ABRAXAS2: variants seen among roughly 807,000 people sequenced by gnomAD.
ABRAXAS2 encodes the protein BRISC complex subunit Abraxas 2.
A neutral mutation model predicts 49.0 loss-of-function variants in ABRAXAS2; 23 were observed. The observed-to-expected ratio is 0.47, with a 90% CI of 0.34 to 0.66. The LOEUF is 0.66. ABRAXAS2 is among the 30% of genes least tolerant of loss of function. The probability of loss-of-function intolerance (pLI) is 0.01; values close to 1 mark genes in which losing one functional copy is unlikely to be tolerated. For missense variants in ABRAXAS2, 443 were observed against 511.9 expected, an observed-to-expected ratio of 0.87 and a Z score of 1.30; for synonymous variants, 168 against 180.2, an observed-to-expected ratio of 0.93 and a Z score of 0.54.
At chr10:124,809,475 G>A (rs562133669) in intron 2 of ABRAXAS2, among the ~76,000 whole-genome samples, 510 of 9,578 alleles carry the variant, frequency 0.053, 2 homozygotes, top group African/African-American at 0.13. Flanking sequence ...AGTAGAGACG[G>A]GGGTTTCTCC....
At chr10:124,804,248 A>G (rs1485230090) in intron 1 of ABRAXAS2, among the ~76,000 whole-genome samples, 1 of 152,190 alleles carries the variant, frequency 6.6e-6, no homozygotes, top group Non-Finnish European at 1.5e-5. Context: ...TATTCCACAA[A>G]TGGAAGACTG....
chr10:124,806,230 C>T (rs371188130), intron 1 of ABRAXAS2, among the ~76,000 whole-genome samples: 226 of 151,184 alleles, frequency 1.5e-3, no homozygotes, highest in Non-Finnish European at 2.5e-3. Flanking sequence ...GGCATGAACC[C>T]GGAAGGTGGA....
At chr10:124,805,797 C>T (rs1315568903) in intron 1 of ABRAXAS2, among the ~76,000 whole-genome samples, 1 of 152,082 alleles carries the variant, frequency 6.6e-6, no homozygotes, top group Non-Finnish European at 1.5e-5. Flanking sequence ...AGGAGTAAGC[C>T]GTGTGATATC....
chr10:124,802,397 G>T (rs1376720773), intron 1 of ABRAXAS2, among the ~76,000 whole-genome samples: 1 of 152,260 alleles, frequency 6.6e-6, no homozygotes, highest in Non-Finnish European at 1.5e-5. Context: ...GTTAGACACG[G>T]TTGTGTGTTT....
chr10:124,810,672 T>A (rs1167324582), intron 2 of ABRAXAS2, among the ~76,000 whole-genome samples: 1 of 150,364 alleles, frequency 6.7e-6, no homozygotes, highest in Non-Finnish European at 1.5e-5. Context: ...AGCCTCCACC[T>A]CCTGGGTTCG....
chr10:124,820,315 G>A (rs1017898398), intron 4 of ABRAXAS2, among the ~76,000 whole-genome samples: 7 of 152,190 alleles, frequency 4.6e-5, no homozygotes, highest in Non-Finnish European at 1.0e-4. Flanking sequence ...AGGAAGGGGT[G>A]TTAAAGCAGC....
Position 124,832,028 on chromosome 10 carries a change from T to C in ABRAXAS2, c.778+565T>C, listed in dbSNP as rs149149081. The stretch of plus-strand genomic sequence containing the variant: ...CCACCATGCCCAGCTAATTTTTGTA[T>C]TTTTTTTCTTGTTTTTTTAGTAGAG... On this transcript the variant is annotated intron_variant, in intron 8 of 8. Transcript: ENST00000298492. Among the ~76,000 whole-genome samples the C allele has an allele frequency of 6.8e-3, 965 of 141,244 alleles. 20 individuals are homozygous for C. The highest frequency in any genetic ancestry group is 0.023 in the African/African-American group (929 of 40,556). The allele number at this position is 141,244 out of a possible 152,430, so 92.7% of individuals were successfully genotyped here.
chr10:124,836,308 A>C lies in ABRAXAS2; in HGVS notation c.*1337A>C, dbSNP rs1050280211. 2 of 152,242 alleles carry C rather than the reference A, an allele frequency of 1.3e-5. No homozygotes were observed. The highest frequency in any genetic ancestry group is 2.9e-5 in the Non-Finnish European group (2 of 68,030). The allele number at this position is 152,242 out of a possible 1,614,324, so 9.4% of individuals were successfully genotyped here. A position where few individuals can be genotyped will look rare whatever the true frequency, so the allele number is the denominator to read the frequency against. On this transcript the variant is annotated 3_prime_UTR_variant, in exon 9 of 9. Transcript: ENST00000298492. ...CTCACTGAGCTCCAGTTCCAATACT[A>C]AATTAGACAGTATCATATAGACGGA...
At chr10:124,820,774 A>G (rs1950857160) in intron 4 of ABRAXAS2, among the ~76,000 whole-genome samples, 1 of 152,084 alleles carries the variant, frequency 6.6e-6, no homozygotes, top group South Asian at 2.1e-4. Context: ...GCAGACGGCC[A>G]TGAATCTTAA....
At chr10:124,819,095 A>G (rs912659654) in intron 3 of ABRAXAS2, among the ~76,000 whole-genome samples, 1 of 152,228 alleles carries the variant, frequency 6.6e-6, no homozygotes, top group African/African-American at 2.4e-5. Context: ...AAACAAAGAA[A>G]AATGTCACAG....
chr10:124,826,620 G>A lies in ABRAXAS2; in HGVS notation c.293G>A (p.Arg98Gln), dbSNP rs745325908. 5 of 1,613,260 alleles carry A rather than the reference G, an allele frequency of 3.1e-6. No homozygotes were observed. The highest frequency in any genetic ancestry group is 2.7e-5 in the African/African-American group (2 of 74,792). The change falls in exon 5 of 9, where the codon CGG becomes CAG. Residue 98 changes from arginine to glutamine, a missense_variant. Physicochemically the swap from Arg to Gln is conservative, Grantham distance 43 (BLOSUM62 1). Transcript: ENST00000298492. The part of the protein sequence containing the change: ...RKKVIGWYRF[R>Q]RNTQQQMSYR... The stretch of plus-strand genomic sequence containing the variant: ...AAAGTCATTGGGTGGTACAGATTCC[G>A]GCGCAATACGCAGCAGCAGATGTCC...
In ABRAXAS2 at chr10:124,824,785, G is replaced by A. The variant is rs76794724; in HGVS notation, c.268-1810G>A. Among the ~76,000 whole-genome samples, 380 of 152,268 alleles carry A rather than the reference G, an allele frequency of 2.5e-3. 7 individuals carry two copies. In the East Asian group the frequency reaches 0.045, roughly 18 times the overall value. On this transcript the variant is annotated intron_variant, in intron 4 of 8. Coordinates refer to ENST00000298492, the MANE Select transcript of ABRAXAS2 (RefSeq NM_032182.4). ...TTCCAACATTCCAAGTAGGAGTTGG[G>A]TACAGAGTATTGAATCTTAGAATGA...
At chr10:124,813,965 C>T (rs1284417973) in intron 2 of ABRAXAS2, among the ~76,000 whole-genome samples, 1 of 152,122 alleles carries the variant, frequency 6.6e-6, no homozygotes, top group East Asian at 1.9e-4. Context: ...TCTGGAATAA[C>T]TTATGATGGT....
At chr10:124,828,270 A>G (rs1049290644) in intron 5 of ABRAXAS2, among the ~76,000 whole-genome samples, 2 of 152,168 alleles carry the variant, frequency 1.3e-5, no homozygotes, top group Non-Finnish European at 2.9e-5. Flanking sequence ...ATCATATTTC[A>G]CTGCCACCTT....
At chr10:124,825,877 T>C (rs1950893165) in intron 4 of ABRAXAS2, among the ~76,000 whole-genome samples, 1 of 152,092 alleles carries the variant, frequency 6.6e-6, no homozygotes, top group African/African-American at 2.4e-5. Flanking sequence ...TTGGGTGGGG[T>C]CCAGGAATCT....
intron 3 of ABRAXAS2, among the ~76,000 whole-genome samples, chr10:124,818,269 G>A (rs1473499372): frequency 6.6e-6 from 1 of 151,922 alleles, no homozygotes; most frequent in Non-Finnish European, 1.5e-5. Context: ...GGTGGTGGGT[G>A]CCTGTAGTCC....
chr10:124,831,281 A>G, intron 7 of ABRAXAS2, 68 bp from the exon 8 acceptor site: 2 of 912,216 alleles, frequency 2.2e-6, no homozygotes, highest in Non-Finnish European at 3.6e-6. Flanking sequence ...AGTTGTAATC[A>G]GCGCTGAATT....
chr10:124,801,846 C>G lies in ABRAXAS2; in HGVS notation c.17C>G (p.Ser6Trp). The G allele has an allele frequency of 6.2e-7, 1 of 1,613,340 alleles. No individual in the cohort carries two copies. The highest frequency in any genetic ancestry group is 1.7e-5 in the Admixed American group (1 of 59,998). The change falls in exon 1 of 9, where the codon TCG becomes TGG. Residue 6 changes from serine to tryptophan, a missense_variant. By Grantham distance (177) the Ser-to-Trp change is radical. Transcript: ENST00000298492. MAASI[S>W]GYTFSAVCFH... ...ATTTCCATCATGGCGGCGTCCATTT[C>G]GGGCTACACCTTCAGTGCTGTGTGT...
intron 1 of ABRAXAS2, among the ~76,000 whole-genome samples, chr10:124,802,404 G>A (rs1950712189): frequency 6.6e-6 from 1 of 152,350 alleles, no homozygotes; most frequent in South Asian, 2.1e-4. Context: ...ACGGTTGTGT[G>A]TTTTCTTCGC....
Sources: allele counts gnomAD v4.1 joint callset (sites outside exome capture counted in the v4.1 genomes callset), GRCh38; gene constraint gnomAD v4.1.1; transcripts MANE v1.5; gene names NCBI Gene and HGNC (gene_info 2026-07-23, HGNC 2026-07-21).